The following DCLK1 variants were observed in gnomAD, a reference collection of about 807,000 sequenced individuals.
DCLK1 encodes the protein serine/threonine-protein kinase DCLK1.
Under a neutral mutation model 86.2 loss-of-function variants are expected in DCLK1, and 16 were observed. The observed-to-expected ratio is 0.19, with a 90% CI of 0.13 to 0.28. The LOEUF (loss-of-function observed/expected upper bound fraction) is 0.28, where lower values mean the gene tolerates loss of function less well. Ranked by LOEUF, DCLK1 falls within the 10% of genes least tolerant of loss-of-function variation. The probability of loss-of-function intolerance (pLI) is 1.00; values close to 1 mark genes in which losing one functional copy is unlikely to be tolerated. For missense variants in DCLK1, 590 were observed against 940.2 expected (o/e 0.63, Z 4.87); for synonymous variants, 369 against 370.5 (o/e 1.00, Z 0.05).
chr13:35,869,373 C>T (rs79830469), intron 5 of DCLK1, among the ~76,000 whole-genome samples: 2,788 of 152,246 alleles, frequency 0.018, 91 homozygotes, highest in African/African-American at 0.064. Context: ...CTCTCTGAGG[C>T]CAGGTCATTG....
At chr13:35,956,737 T>C (rs181440091) in intron 3 of DCLK1, among the ~76,000 whole-genome samples, 22 of 9,558 alleles carry the variant, frequency 2.3e-3, no homozygotes, top group African/African-American at 7.8e-3. Flanking sequence ...AAAAAAAACA[T>C]CATCAGTGGC....
rs9593733 is a variant in DCLK1, at chr13:36,065,312, G to A, written c.723+46557C>T. On this transcript the variant is annotated intron_variant, in intron 3 of 16. Transcript: ENST00000360631. ...ATGAGACATGATGTTAAACATGTGGGCACAGAATAAGGACTCTGTAAATGT... is the reference window on the plus strand; with the variant it reads ...ATGAGACATGATGTTAAACATGTGGACACAGAATAAGGACTCTGTAAATGT... Among the ~76,000 whole-genome samples the A allele has an allele frequency of 2.2e-3, 342 of 152,292 alleles. 1 individual carries two copies. The highest frequency in any genetic ancestry group is 7.9e-3 in the African/African-American group (330 of 41,550).
At chr13:35,979,221 G>A (rs9601841) in intron 3 of DCLK1, among the ~76,000 whole-genome samples, 3,778 of 152,284 alleles carry the variant, frequency 0.025, 130 homozygotes, top group African/African-American at 0.085. Flanking sequence ...CCCAAGGGCT[G>A]TCAACGAAGT....
chr13:35,930,898 T>C (rs1250204552), intron 4 of DCLK1, among the ~76,000 whole-genome samples: 3 of 152,222 alleles, frequency 2.0e-5, no homozygotes, highest in Admixed American at 6.5e-5. Context: ...TAAAAGCCTC[T>C]TCTCATGTCA....
chr13:36,064,457 G>A (rs903961984), intron 3 of DCLK1, among the ~76,000 whole-genome samples: 20 of 152,004 alleles, frequency 1.3e-4, no homozygotes, highest in African/African-American at 4.6e-4. Flanking sequence ...TCAGGAGATC[G>A]AGACCATCCT....
At chr13:35,825,937 C>A (rs2087512917) in intron 10 of DCLK1, among the ~76,000 whole-genome samples, 1 of 151,900 alleles carries the variant, frequency 6.6e-6, no homozygotes, top group Non-Finnish European at 1.5e-5. Flanking sequence ...CTCAGCCTCC[C>A]AAGTAGCTGG....
intron 3 of DCLK1, among the ~76,000 whole-genome samples, chr13:36,035,252 T>C (rs993513284): frequency 6.6e-6 from 1 of 152,176 alleles, no homozygotes; most frequent in African/African-American, 2.4e-5. Context: ...TCCTTTTCTT[T>C]CTATAGCATC....
chr13:36,005,203 G>A (rs1460954213), intron 3 of DCLK1, among the ~76,000 whole-genome samples: 1 of 152,152 alleles, frequency 6.6e-6, no homozygotes, highest in Admixed American at 6.6e-5. Flanking sequence ...AGAAGTTTGA[G>A]TGCTAGCTGA....
intron 3 of DCLK1, among the ~76,000 whole-genome samples, chr13:36,017,236 C>T (rs911444785): frequency 6.6e-6 from 1 of 152,068 alleles, no homozygotes; most frequent in African/African-American, 2.4e-5. Flanking sequence ...GGGATCTGTT[C>T]GTGGAATAAT....
intron 4 of DCLK1, among the ~76,000 whole-genome samples, chr13:35,885,342 C>G (rs1027200967): frequency 3.9e-5 from 6 of 151,956 alleles, no homozygotes; most frequent in Non-Finnish European, 7.4e-5. Context: ...TATACTAGAA[C>G]AAAAATAAAT....
At chr13:36,096,472 G>T (rs548199143) in intron 3 of DCLK1, among the ~76,000 whole-genome samples, 2 of 152,092 alleles carry the variant, frequency 1.3e-5, no homozygotes, top group African/African-American at 2.4e-5. Flanking sequence ...TTTACTGTAC[G>T]GCAGAATATT....
chr13:36,081,973 A>G (rs1884435871), intron 3 of DCLK1, among the ~76,000 whole-genome samples: 1 of 152,210 alleles, frequency 6.6e-6, no homozygotes. Context: ...GCACTATCTA[A>G]TGAGGGTGGA....
At chr13:35,914,351 ATATATATATATATATATG>A (rs1875260655) in intron 4 of DCLK1, among the ~76,000 whole-genome samples, 1 of 8,810 alleles carries the variant, frequency 1.1e-4, no homozygotes, top group African/African-American at 3.1e-4. Flanking sequence ...ATATATATAC[ATATATATATATATATATG>A]TATATATATA....
chr13:35,860,054 T>C (rs1339322970), intron 5 of DCLK1, among the ~76,000 whole-genome samples: 1 of 152,238 alleles, frequency 6.6e-6, no homozygotes, highest in Non-Finnish European at 1.5e-5. Flanking sequence ...ACTGTTTCCC[T>C]GTCTTCTTTT....
intron 16 of DCLK1, among the ~76,000 whole-genome samples, 166 bp downstream of exon 16, chr13:35,793,200 A>C (rs1229976391): frequency 6.6e-6 from 1 of 152,218 alleles, no homozygotes; most frequent in Admixed American, 6.5e-5. Context: ...CTGCAGAAAC[A>C]CATAATATAT....
chr13:35,931,141 A>G (rs1593743325), intron 4 of DCLK1, among the ~76,000 whole-genome samples: 1 of 152,174 alleles, frequency 6.6e-6, no homozygotes, highest in South Asian at 2.1e-4. Flanking sequence ...TTTTCATTTT[A>G]TCAGAGTTTC....
intron 5 of DCLK1, among the ~76,000 whole-genome samples, chr13:35,867,021 C>T (rs1871844204): frequency 1.3e-5 from 2 of 152,270 alleles, no homozygotes; most frequent in South Asian, 4.1e-4. Flanking sequence ...CTGCCGAATT[C>T]CTTAACCTCT....
intron 11 of DCLK1, among the ~76,000 whole-genome samples, chr13:35,820,914 T>A (rs1241447206): frequency 6.6e-6 from 1 of 152,224 alleles, no homozygotes; most frequent in East Asian, 1.9e-4. Context: ...ATTGTGTGCA[T>A]ATTTGTTTCT....
In DCLK1 at chr13:35,953,219, C is replaced by T. The variant is rs545309155; in HGVS notation, c.724-5762G>A. Among the ~76,000 whole-genome samples the T allele has an allele frequency of 2.0e-5, 3 of 152,200 alleles. 1 individual carries two copies. Among genetic ancestry groups the T allele is most frequent in the African/African-American group, 7.2e-5 (3 of 41,530 alleles). ...TATTGGTATTAGTATCCCCATTTTA[C>T]AGATGAAAAATCCAGCCAGGTTAAA... On this transcript the variant is annotated intron_variant, in intron 3 of 16. Transcript: ENST00000360631.
Sources: gnomAD v4.1 joint callset for allele counts (sites outside exome capture counted in the v4.1 genomes callset) on GRCh38, gnomAD v4.1.1 for gene constraint, MANE v1.5 for transcripts, NCBI Gene and HGNC (gene_info 2026-07-23, HGNC 2026-07-21) for gene names.